CHEK1: variants seen among roughly 807,000 people sequenced by gnomAD.
CHEK1 encodes the protein checkpoint kinase 1.
In CHEK1, 32 loss-of-function variants were observed where a neutral mutation model predicts 60.2. The observed-to-expected ratio is 0.53, with a 90% CI of 0.40 to 0.71. CHEK1 has a LOEUF of 0.71. CHEK1 is among the 30% of genes least tolerant of loss of function. The pLI is 0.00. For missense variants in CHEK1, 399 were observed against 564.6 expected (o/e 0.71, Z 2.97); for synonymous variants, 179 against 187.2 (o/e 0.96, Z 0.36).
At chr11:125,636,765 A>C (rs1349629975) in intron 7 of CHEK1, among the ~76,000 whole-genome samples, 8 of 151,968 alleles carry the variant, frequency 5.3e-5, no homozygotes, top group Admixed American at 2.0e-4. Flanking sequence ...ACTTGTTACA[A>C]ATACTTTTCA....
chr11:125,669,522 C>CTTTTTTTTTTTTTTTTTTTTTTTTT (rs67333022), intron 13 of CHEK1, among the ~76,000 whole-genome samples: 1 of 114,702 alleles, frequency 8.7e-6, no homozygotes, highest in Non-Finnish European at 1.8e-5. Flanking sequence ...TTCTTTTTTC[C>CTTTTTTTTTTTTTTTTTTTTTTTTT]TTTTTTTTTT....
intron 11 of CHEK1, among the ~76,000 whole-genome samples, chr11:125,648,410 G>A (rs573642486): frequency 2.0e-5 from 3 of 152,050 alleles, no homozygotes; most frequent in Admixed American, 6.6e-5. Context: ...GTGAAACCCC[G>A]TCTCTACTAA....
chr11:125,636,116 C>G (rs553535833), intron 7 of CHEK1: 1 of 152,008 alleles, frequency 6.6e-6, no homozygotes, highest in Admixed American at 6.5e-5. Context: ...GTCTGTTATA[C>G]GTGTGGTCCA....
intron 11 of CHEK1, among the ~76,000 whole-genome samples, chr11:125,646,902 GAA>G (rs940643111): frequency 6.6e-6 from 1 of 152,100 alleles, no homozygotes; most frequent in African/African-American, 2.4e-5. Flanking sequence ...TTCTGTGGGA[GAA>G]AATTCCCCCA....
intron 11 of CHEK1, among the ~76,000 whole-genome samples, chr11:125,649,373 G>A (rs1001028498): frequency 1.3e-5 from 2 of 151,506 alleles, no homozygotes. Context: ...TTTGGTTATT[G>A]TTTCCATGGT....
Position 125,656,538 on chromosome 11 carries a change from C to T in CHEK1, c.*1218C>T, listed in dbSNP as rs934112906. 3 of 213,642 alleles carry T rather than the reference C, an allele frequency of 1.4e-5. No individual in the cohort carries two copies. The highest frequency in any genetic ancestry group is 2.3e-5 in the African/African-American group (1 of 44,244). The allele number at this position is 213,642 out of a possible 1,614,324, so 13.2% of individuals were successfully genotyped here. ...TGTTTTATTTATTTGAACCTATTTACGGTATGCTTAAGAATTGAATCAGTA... is the reference window on the plus strand; with the variant it reads ...TGTTTTATTTATTTGAACCTATTTATGGTATGCTTAAGAATTGAATCAGTA... On this transcript the variant is annotated 3_prime_UTR_variant, in exon 13 of 13. Coordinates refer to ENST00000438015, the MANE Select transcript of CHEK1 (RefSeq NM_001114122.3).
intron 13 of CHEK1, among the ~76,000 whole-genome samples, chr11:125,669,597 C>G (rs1366653254): frequency 7.0e-6 from 1 of 142,966 alleles, no homozygotes; most frequent in African/African-American, 2.6e-5. Context: ...GATCTCGGCT[C>G]ACTGCAACCT....
intron 13 of CHEK1, chr11:125,672,832 A>G (rs1942267584): frequency 7.8e-7 from 1 of 1,281,566 alleles, no homozygotes; most frequent in Non-Finnish European, 1.1e-6. Context: ...CTTGTCCATT[A>G]TCCCTTCTCT....
At chr11:125,640,337 C>G (rs903023663) in intron 8 of CHEK1, among the ~76,000 whole-genome samples, 1 of 151,920 alleles carries the variant, frequency 6.6e-6, no homozygotes, top group Non-Finnish European at 1.5e-5. Flanking sequence ...GTCAGGAGAT[C>G]GAGACCATCC....
chr11:125,633,013 T>C (rs1477326955), intron 5 of CHEK1, 150 bp from the exon 6 acceptor site: 8 of 603,898 alleles, frequency 1.3e-5, no homozygotes, highest in Non-Finnish European at 2.1e-5. Context: ...TTTTTTTAAA[T>C]TTCTTTTTGT....
At chr11:125,667,984 A>G (rs1942128578) in intron 13 of CHEK1, among the ~76,000 whole-genome samples, 1 of 152,188 alleles carries the variant, frequency 6.6e-6, no homozygotes, top group Admixed American at 6.5e-5. Context: ...ATTAGTCTAA[A>G]TAATGTATCC....
Position 125,629,465 on chromosome 11 carries a change from G to A in CHEK1, c.424+5G>A. ...ATCTTCTGTTGGATGAAAGGGGTAAGTTTAGCATTTTATCACTACCTAAAA... is the reference window on the plus strand; with the variant it reads ...ATCTTCTGTTGGATGAAAGGGGTAAATTTAGCATTTTATCACTACCTAAAA... On this transcript the variant is annotated splice_donor_5th_base_variant and intron_variant, in intron 5 of 12. Coordinates refer to ENST00000438015, the MANE Select transcript of CHEK1 (RefSeq NM_001114122.3). The A allele has an allele frequency of 6.3e-7, 1 of 1,596,110 alleles. No homozygotes were observed. The highest frequency in any genetic ancestry group is 8.6e-7 in the Non-Finnish European group (1 of 1,166,052).
At chr11:125,638,078 C>T (rs1407404478) in intron 8 of CHEK1, among the ~76,000 whole-genome samples, 1 of 152,102 alleles carries the variant, frequency 6.6e-6, no homozygotes, top group Non-Finnish European at 1.5e-5. Flanking sequence ...GAGATGAGGC[C>T]AGAGAGGTCG....
At chr11:125,663,032 T>G (rs773812654) in intron 13 of CHEK1, among the ~76,000 whole-genome samples, 10 of 152,156 alleles carry the variant, frequency 6.6e-5, no homozygotes, top group Admixed American at 2.0e-4. Context: ...AAATATCTCT[T>G]CATGTCTTTT....
intron 8 of CHEK1, among the ~76,000 whole-genome samples, chr11:125,637,876 T>G (rs1218627832): frequency 6.6e-6 from 1 of 152,206 alleles, no homozygotes; most frequent in East Asian, 1.9e-4. Context: ...GGGGAAGCAG[T>G]ATTTGAAAAA....
chr11:125,649,949 C>G (rs1941647858), intron 11 of CHEK1: 1 of 152,212 alleles, frequency 6.6e-6, no homozygotes, highest in African/African-American at 2.4e-5. Context: ...GTTAATCTTA[C>G]TGAGGATCTC....
At chr11:125,674,807 AGGAGAACTATTAAATTCAAACTCTTTT>A (rs1214920994) in intron 13 of CHEK1, among the ~76,000 whole-genome samples, 1 of 152,246 alleles carries the variant, frequency 6.6e-6, no homozygotes, top group Non-Finnish European at 1.5e-5. Flanking sequence ...CAATAAATAA[AGGAGAACTATTAAATTCAAACTCTTTT>A]TAACTGACAC....
At chr11:125,678,462 C>T (rs1232570677), downstream of CHEK1, among the ~76,000 whole-genome samples, 1 of 152,110 alleles carries the variant, frequency 6.6e-6, no homozygotes, top group Admixed American at 6.5e-5. Flanking sequence ...CTAAGTATCC[C>T]AAAAGGCCAT....
chr11:125,658,670 G>A (rs1744594072), downstream of CHEK1, among the ~76,000 whole-genome samples: 1 of 123,590 alleles, frequency 8.1e-6, no homozygotes, highest in South Asian at 2.8e-4. Flanking sequence ...CTTCTTAAAA[G>A]CTTCATGGCT....
Sources: gnomAD v4.1 joint callset for allele counts (sites outside exome capture counted in the v4.1 genomes callset) on GRCh38, gnomAD v4.1.1 for gene constraint, MANE v1.5 for transcripts, NCBI Gene and HGNC (gene_info 2026-07-23, HGNC 2026-07-21) for gene names.